The following SPDYA variants were observed in gnomAD, a reference collection of about 807,000 sequenced individuals.
SPDYA encodes the protein speedy protein A.
SPDYA carries 11 observed loss-of-function variants against 36.7 expected under a neutral mutation model. The observed-to-expected ratio is 0.30, with a 90% CI of 0.19 to 0.50. SPDYA has a LOEUF of 0.50. Ranked by LOEUF, SPDYA falls within the 20% of genes least tolerant of loss-of-function variation. SPDYA has a pLI of 0.98. For missense variants in SPDYA, 287 were observed against 370.9 expected (o/e 0.77, Z 1.86); for synonymous variants, 115 against 118.7 (o/e 0.97, Z 0.20).
chr2:28,840,053 G>T, intron 6 of SPDYA, 119 bp from the exon 7 acceptor site: 2 of 922,066 alleles, frequency 2.2e-6, no homozygotes, highest in South Asian at 3.9e-5. Context: ...TTTTAAATCA[G>T]CAATTTGGAT....
intron 3 of SPDYA, among the ~76,000 whole-genome samples, chr2:28,817,772 AC>A (rs951060223): frequency 1.4e-5 from 2 of 146,250 alleles, no homozygotes; most frequent in African/African-American, 5.2e-5. Context: ...AATCGCTTGA[AC>A]CTGGGAGGTG....
chr2:28,840,632 C>T, intron 7 of SPDYA, 163 bp downstream of exon 7: 1 of 1,394,432 alleles, frequency 7.2e-7, no homozygotes, highest in Admixed American at 3.4e-5. Context: ...GTCTTGTGTC[C>T]ATATTTGTTT....
At position 28,835,180 on chromosome 2, in the gene SPDYA, G is replaced by A. The variant is rs376181347; in HGVS notation, c.553-4992G>A. ...GGGCTCAAGCAATCCTCCCACCTTG[G>A]CCTCCCAAAGTTCTGGGATTACAGA... On this transcript the variant is annotated intron_variant, in intron 6 of 7. Coordinates refer to ENST00000334056, the MANE Select transcript of SPDYA (RefSeq NM_182756.4). 3.0e-4 allele frequency among the ~76,000 whole-genome samples: 46 copies of A among 151,420 alleles called. No individual in the cohort carries two copies. The South Asian group carries it at 8.4e-3, about 28-fold the overall frequency.
At position 28,822,351 on chromosome 2, in the gene SPDYA, T is replaced by C; in HGVS notation, c.321T>C (p.Tyr107=). Residue 107 remains tyrosine, a synonymous_variant, in exon 5 of 8, where the codon TAT becomes TAC. Transcript: ENST00000334056. ...ATCTTTTGGCTATGACCTTTGTTTA[T>C]TTCAAGAGGGCTAAATTTACTATAA... The part of the protein sequence containing the change: ...DKYLLAMTFV[Y]FKRAKFTISE... 6.4e-7 allele frequency: 1 copy of C among 1,567,830 alleles called. No individual in the cohort carries two copies.
chr2:28,817,559 CA>C (rs200014746), intron 3 of SPDYA, among the ~76,000 whole-genome samples: 5 of 147,004 alleles, frequency 3.4e-5, no homozygotes, highest in East Asian at 2.0e-4. Context: ...GAAACTGTCT[CA>C]AAAAAAAAGA....
chr2:28,833,667 G>A (rs1668526435), intron 6 of SPDYA, among the ~76,000 whole-genome samples: 1 of 152,152 alleles, frequency 6.6e-6, no homozygotes, highest in African/African-American at 2.4e-5. Flanking sequence ...ATATCTACAA[G>A]CAAAAGAATG....
chr2:28,849,492 A>C (rs1668979369), intron 7 of SPDYA, among the ~76,000 whole-genome samples: 1 of 152,350 alleles, frequency 6.6e-6, no homozygotes, highest in East Asian at 1.9e-4. Context: ...AGGTTTTGCC[A>C]TGTTGGCCAG....
intron 7 of SPDYA, among the ~76,000 whole-genome samples, chr2:28,846,660 C>G (rs1415874470): frequency 6.7e-6 from 1 of 149,618 alleles, no homozygotes; most frequent in Admixed American, 6.7e-5. Flanking sequence ...AGAGCTTAAG[C>G]TGGGCCTTGA....
chr2:28,836,557 CA>C, intron 6 of SPDYA, among the ~76,000 whole-genome samples: 1 of 152,162 alleles, frequency 6.6e-6, no homozygotes, highest in East Asian at 1.9e-4. Context: ...ATCTTGGCTG[CA>C]AAGAAGCTAA....
chr2:28,840,587 A>C, intron 7 of SPDYA, 118 bp downstream of exon 7: 1 of 1,434,216 alleles, frequency 7.0e-7, no homozygotes, highest in African/African-American at 1.5e-5. Context: ...GAGTTAAATT[A>C]ATCTTGAAAC....
chr2:28,811,753 C>T lies in SPDYA; in HGVS notation c.-93+806C>T, dbSNP rs1381973586. 6.6e-6 allele frequency among the ~76,000 whole-genome samples: 1 copy of T among 151,604 alleles called. No homozygotes were observed. Among genetic ancestry groups the T allele is most frequent in the East Asian group, 1.9e-4 (1 of 5,172 alleles). ...GGGAGAATCGCTTGAACCCTGGAAG[C>T]GGAGGTTGCAGTGAGCTAAAACCCG... On this transcript the variant is annotated intron_variant, in intron 1 of 7. Transcript: ENST00000334056. The surrounding 1 kb of genome is among the most constrained non-coding windows in gnomAD (Gnocchi z 4.2).
chr2:28,822,557 AT>A (rs1668194370), intron 5 of SPDYA, 147 bp downstream of exon 5: 2 of 387,954 alleles, frequency 5.2e-6, no homozygotes, highest in Admixed American at 4.6e-5. Flanking sequence ...TTAATAGGAT[AT>A]TTTTATGTTT....
intron 7 of SPDYA, among the ~76,000 whole-genome samples, chr2:28,846,886 C>T (rs1668891937): frequency 1.3e-5 from 2 of 152,106 alleles, no homozygotes; most frequent in Admixed American, 1.3e-4. Flanking sequence ...AAACAGGAGC[C>T]AAGGGCAGAA....
At position 28,811,797 on chromosome 2, in the gene SPDYA, T is replaced by TA. The variant is rs1289123412; in HGVS notation, c.-93+859dup. ...AAACCCGTCTCTACAAAAAATAACT[T>TA]AAAAAAAAAGTATCCTGGCATGGTG... On this transcript the variant is annotated intron_variant, in intron 1 of 7. Coordinates refer to ENST00000334056, the MANE Select transcript of SPDYA (RefSeq NM_182756.4). The surrounding 1 kb of genome is among the most constrained non-coding windows in gnomAD (Gnocchi z 4.2). 1.3e-4 allele frequency among the ~76,000 whole-genome samples: 19 copies of TA among 145,366 alleles called. No homozygotes were observed. The highest frequency in any genetic ancestry group is 6.7e-4 in the South Asian group (3 of 4,488).
rs752538136 is a variant in SPDYA at position 28,829,160 on chromosome 2, T to C, written c.393T>C (p.Asn131=). Residue 131 remains asparagine (N), a synonymous_variant, in exon 6 of 8, where the codon AAT becomes AAC. Transcript: ENST00000334056. ...TCTTCTTTGTTAGGTATCTGGCTAA[T>C]ACAGTTGAAGAAGATGAAGAAGAAA... is the stretch of plus-strand genomic sequence containing the variant. ...INFFIALYLA[N]TVEEDEEETK... is the part of the protein sequence containing the mutation. 3 of 1,613,402 alleles carry C rather than the reference T, an allele frequency of 1.9e-6. No homozygotes were observed. In the Admixed American group the frequency reaches 5.0e-5, roughly 27 times the overall value.
intron 5 of SPDYA, among the ~76,000 whole-genome samples, chr2:28,825,540 T>C (rs1163892420): frequency 2.0e-5 from 3 of 152,196 alleles, no homozygotes; most frequent in African/African-American, 7.2e-5. Context: ...TCAAGTTCTT[T>C]TCCTTTCTAT....
intron 6 of SPDYA, 119 bp from the exon 7 acceptor site, chr2:28,840,053 G>A: frequency 3.3e-6 from 3 of 922,066 alleles, no homozygotes; most frequent in Non-Finnish European, 4.7e-6. Flanking sequence ...TTTTAAATCA[G>A]CAATTTGGAT....
At position 28,850,567 on chromosome 2, in the gene SPDYA, A is replaced by G. The variant is rs933505845; in HGVS notation, c.*626A>G. On this transcript the variant is annotated 3_prime_UTR_variant, in exon 8 of 8. Transcript: ENST00000334056. Reference sequence around the variant, plus strand: ...CTCTGCCAGTTATTATACAGAAACTATTTGTCAATGATTATGTAATAAACA... The same window carrying G: ...CTCTGCCAGTTATTATACAGAAACTGTTTGTCAATGATTATGTAATAAACA... The G allele has an allele frequency of 1.4e-5, 8 of 569,372 alleles. No individual in the cohort carries two copies. The African/African-American group carries it at 1.5e-4, about 11-fold the overall frequency. 35.3% of individuals were successfully genotyped at this position (569,372 alleles called of 1,614,324 possible). A position where few individuals can be genotyped will look rare whatever the true frequency, so the allele number is the denominator to read the frequency against.
At chr2:28,831,999 A>G (rs1286716001) in intron 6 of SPDYA, among the ~76,000 whole-genome samples, 2 of 152,190 alleles carry the variant, frequency 1.3e-5, no homozygotes, top group African/African-American at 4.8e-5. Flanking sequence ...CTGCCATCAG[A>G]ATGTAGAATT....
Sources: gnomAD v4.1 joint callset for allele counts (sites outside exome capture counted in the v4.1 genomes callset) on GRCh38, gnomAD v4.1.1 for gene constraint, Gnocchi (gnomAD v3.1) non-coding constraint, MANE v1.5 for transcripts, NCBI Gene and HGNC (gene_info 2026-07-23, HGNC 2026-07-21) for gene names.